The following GLB1 variants were observed in gnomAD, a reference collection of about 807,000 sequenced individuals.
GLB1 encodes galactosidase beta 1, also known as beta-galactosidase.
In GLB1, 56 loss-of-function variants were observed where a neutral mutation model predicts 74.0. The observed-to-expected ratio is 0.76, with a 90% CI of 0.61 to 0.94. The LOEUF is 0.94. Ranked by LOEUF, GLB1 falls within the 40% of genes least tolerant of loss-of-function variation. GLB1 has a pLI of 0.00. For synonymous variants in GLB1, 323 were observed against 323.6 expected (o/e 1.00, Z 0.02); for missense variants, 787 against 845.5 (o/e 0.93, Z 0.86).
the GLB1 span, among the ~76,000 whole-genome samples, chr3:32,965,439 T>A: frequency 1.3e-5 from 2 of 152,170 alleles, no homozygotes; most frequent in Admixed American, 1.3e-4. Flanking sequence ...GCTCCTGGCC[T>A]AGAGATCTAT....
intron 15 of GLB1, among the ~76,000 whole-genome samples, chr3:33,002,339 C>CCCTTCCTT (rs1422151382): frequency 9.1e-6 from 1 of 110,444 alleles, no homozygotes; most frequent in African/African-American, 3.0e-5. Flanking sequence ...CTCCCTCCCT[C>CCCTTCCTT]CCTCCCTCCC....
chr3:33,091,155 A>G, intron 1 of GLB1: 2 of 985,468 alleles, frequency 2.0e-6, no homozygotes, highest in Non-Finnish European at 2.4e-6. Flanking sequence ...GGGACACAAG[A>G]AAAGTGAGTT....
At chr3:32,972,199 G>A in the GLB1 span, among the ~76,000 whole-genome samples, 1 of 152,104 alleles carries the variant, frequency 6.6e-6, no homozygotes. Flanking sequence ...GGCAGTCCTT[G>A]AAATCATAAC....
At chr3:33,068,331 G>T in intron 3 of GLB1, 41 bp from the exon 4 acceptor site, 1 of 1,613,210 alleles carries the variant, frequency 6.2e-7, no homozygotes, top group South Asian at 1.1e-5. Context: ...TCTGTTCCGT[G>T]AAGGGTGCTC....
At chr3:33,055,892 C>G (rs750160129) in intron 6 of GLB1, among the ~76,000 whole-genome samples, 1 of 151,988 alleles carries the variant, frequency 6.6e-6, no homozygotes, top group Non-Finnish European at 1.5e-5. Context: ...CAGTTCTTTT[C>G]TGTTCTTCTC....
intron 1 of GLB1, chr3:33,090,772 G>A: frequency 1.0e-6 from 1 of 985,392 alleles, no homozygotes. Context: ...ACGAGAGGGT[G>A]TTGATGTTGT....
chr3:33,058,585 A>G (rs901302781), intron 5 of GLB1, among the ~76,000 whole-genome samples: 3 of 152,208 alleles, frequency 2.0e-5, no homozygotes, highest in Non-Finnish European at 4.4e-5. Flanking sequence ...TCACATAAAT[A>G]ATACCTTCCC....
At chr3:33,064,857 G>A (rs1217398667) in intron 5 of GLB1, among the ~76,000 whole-genome samples, 2 of 148,010 alleles carry the variant, frequency 1.4e-5, no homozygotes, top group African/African-American at 5.0e-5. Flanking sequence ...TTTCACCTAA[G>A]TAATTTTACC....
In GLB1 at chr3:33,093,784, T is replaced by C. The variant is rs1700879173; in HGVS notation, c.75+3227A>G. The C allele has an allele frequency of 1.9e-6, 3 of 1,613,374 alleles. No individual in the cohort carries two copies. Among genetic ancestry groups the C allele is most frequent in the Non-Finnish European group, 2.5e-6 (3 of 1,179,700 alleles). Reference sequence around the variant, plus strand: ...GCCAAGAGCTGGTAGGCCTGCTCCATGCCGCTGAGGATGAAGAGGAAGAAG... The same window carrying C: ...GCCAAGAGCTGGTAGGCCTGCTCCACGCCGCTGAGGATGAAGAGGAAGAAG... On this transcript the variant is annotated intron_variant, in intron 1 of 15. Coordinates refer to ENST00000307363, the MANE Select transcript of GLB1 (RefSeq NM_000404.4). The surrounding 1 kb of genome is among the most constrained non-coding windows in gnomAD (Gnocchi z 6.0).
At chr3:33,057,826 AG>A (rs1446788786) in intron 6 of GLB1, among the ~76,000 whole-genome samples, 1 of 152,236 alleles carries the variant, frequency 6.6e-6, no homozygotes, top group Non-Finnish European at 1.5e-5. Context: ...TGGGTGGGCC[AG>A]CCTAGCCCCT....
chr3:33,070,694 C>T (rs1277544961), intron 2 of GLB1, among the ~76,000 whole-genome samples: 2 of 151,880 alleles, frequency 1.3e-5, no homozygotes, highest in Admixed American at 1.3e-4. Flanking sequence ...CAAAGCAAAA[C>T]AAAAAAATTA....
intron 1 of GLB1, among the ~76,000 whole-genome samples, chr3:33,090,002 T>C (rs985678908): frequency 2.6e-5 from 4 of 152,194 alleles, no homozygotes; most frequent in Admixed American, 6.5e-5. Context: ...TTCACACAGT[T>C]AACTGCATTT....
At chr3:33,053,315 C>CGGA in intron 7 of GLB1, among the ~76,000 whole-genome samples, 176 bp downstream of exon 7, 3 of 152,188 alleles carry the variant, frequency 2.0e-5, no homozygotes, top group Non-Finnish European at 4.4e-5. Flanking sequence ...AGCTCAATTT[C>CGGA]AAATAGAAAC....
chr3:33,040,328 T>C (rs952371395), intron 10 of GLB1, among the ~76,000 whole-genome samples: 1 of 152,074 alleles, frequency 6.6e-6, no homozygotes, highest in African/African-American at 2.4e-5. Context: ...TAATTCTCTC[T>C]GGAAGAACCC....
At chr3:33,014,610 C>A (rs1210423609) in intron 14 of GLB1, among the ~76,000 whole-genome samples, 1 of 152,154 alleles carries the variant, frequency 6.6e-6, no homozygotes, top group Non-Finnish European at 1.5e-5. Flanking sequence ...AGTGATTGAT[C>A]CCAAATTCCC....
downstream of GLB1, among the ~76,000 whole-genome samples, chr3:32,994,781 C>T (rs1559373471): frequency 6.6e-6 from 1 of 152,052 alleles, no homozygotes. Flanking sequence ...ATTAGCTGGG[C>T]ATGGTGATGC....
intron 10 of GLB1, among the ~76,000 whole-genome samples, chr3:33,045,007 G>A (rs373583767): frequency 8.5e-5 from 12 of 140,644 alleles, no homozygotes; most frequent in African/African-American, 2.7e-4. Flanking sequence ...TCTGCACCAT[G>A]CTTCACAGTA....
chr3:33,024,829 A>T (rs1697664556), intron 10 of GLB1, among the ~76,000 whole-genome samples: 1 of 151,990 alleles, frequency 6.6e-6, no homozygotes, highest in African/African-American at 2.4e-5. Context: ...TCCTCCAATG[A>T]TTTAGAAAAC....
At chr3:33,088,941 A>G (rs1223477756) in intron 1 of GLB1, among the ~76,000 whole-genome samples, 1 of 152,230 alleles carries the variant, frequency 6.6e-6, no homozygotes, top group African/African-American at 2.4e-5. Context: ...ACAGACATAG[A>G]GCAATGAGAG....
Sources: gnomAD v4.1 joint callset for allele counts (sites outside exome capture counted in the v4.1 genomes callset) on GRCh38, gnomAD v4.1.1 for gene constraint, Gnocchi (gnomAD v3.1) non-coding constraint, MANE v1.5 for transcripts, NCBI Gene and HGNC (gene_info 2026-07-23, HGNC 2026-07-21) for gene names.